LHFPL2: variants seen among roughly 807,000 people sequenced by gnomAD.
The protein encoded by LHFPL2 is LHFPL tetraspan subfamily member 2.
A neutral mutation model predicts 17.5 loss-of-function variants in LHFPL2; 7 were observed. That is an observed-to-expected ratio of 0.40 (90% CI 0.23 to 0.75). The LOEUF (loss-of-function observed/expected upper bound fraction) is 0.75, where lower values mean the gene tolerates loss of function less well. LHFPL2 is among the 30% of genes least tolerant of loss of function. LHFPL2 has a pLI of 0.37. For missense variants in LHFPL2, 241 were observed against 294.8 expected (o/e 0.82, Z 1.34); for synonymous variants, 134 against 116.2 (o/e 1.15, Z -0.99).
chr5:78,524,962 G>A (rs1215547391), intron 3 of LHFPL2, among the ~76,000 whole-genome samples: 5 of 152,120 alleles, frequency 3.3e-5, no homozygotes, highest in African/African-American at 1.2e-4. Context: ...AGTATTAAAG[G>A]TAAATGTTTC....
chr5:78,526,179 C>G (rs1013632387), intron 3 of LHFPL2, among the ~76,000 whole-genome samples: 55 of 152,236 alleles, frequency 3.6e-4, no homozygotes, highest in African/African-American at 1.3e-3. Flanking sequence ...CTTGCCTCCC[C>G]ACTCCTCCCC....
intron 2 of LHFPL2, among the ~76,000 whole-genome samples, chr5:78,579,911 G>A (rs1205253292): frequency 6.6e-6 from 1 of 152,186 alleles, no homozygotes; most frequent in African/African-American, 2.4e-5. Context: ...CTAGATCCTT[G>A]AGGAATCGCC....
chr5:78,505,037 G>C (rs973134160), intron 4 of LHFPL2, among the ~76,000 whole-genome samples: 3 of 152,242 alleles, frequency 2.0e-5, no homozygotes, highest in African/African-American at 7.2e-5. Context: ...GCACAAGTGA[G>C]CCAAATCCTG....
chr5:78,587,974 C>A (rs1036673841), intron 2 of LHFPL2, among the ~76,000 whole-genome samples: 1 of 152,206 alleles, frequency 6.6e-6, no homozygotes, highest in Admixed American at 6.5e-5. Context: ...CCCCTCCCTC[C>A]GGTGGTTCCA....
chr5:78,485,492 G>A lies in LHFPL2; in HGVS notation c.*3405C>T, dbSNP rs1754208411. 1 of 152,610 alleles carries A rather than the reference G, an allele frequency of 6.6e-6. No homozygotes were observed. The highest frequency in any genetic ancestry group is 2.4e-5 in the African/African-American group (1 of 41,434). 9.5% of individuals were successfully genotyped at this position (152,610 alleles called of 1,614,324 possible). The stretch of plus-strand genomic sequence containing the variant: ...CAGCCTTGGAAGGAGTTTCACCACA[G>A]TCTCAGAAGAAATCCCAGTCGTGCC... On this transcript the variant is annotated 3_prime_UTR_variant, in exon 5 of 5. Coordinates refer to ENST00000380345, the MANE Select transcript of LHFPL2 (RefSeq NM_005779.3).
intron 1 of LHFPL2, among the ~76,000 whole-genome samples, chr5:78,643,998 G>A (rs1384853319): frequency 1.3e-5 from 2 of 152,194 alleles, no homozygotes; most frequent in South Asian, 2.1e-4. Context: ...GGAGGACAAG[G>A]TTGCAGTGAG....
At chr5:78,557,890 G>A (rs1756623071) in intron 3 of LHFPL2, among the ~76,000 whole-genome samples, 1 of 152,194 alleles carries the variant, frequency 6.6e-6, no homozygotes, top group African/African-American at 2.4e-5. Flanking sequence ...TGTCTAGAAG[G>A]ACAGGACCAT....
chr5:78,579,027 A>C lies in LHFPL2; in HGVS notation c.-244-14156T>G, dbSNP rs183445361. Among the ~76,000 whole-genome samples, 99 of 152,316 alleles carry C rather than the reference A, an allele frequency of 6.5e-4. 1 individual carries two copies. The highest frequency in any genetic ancestry group is 5.9e-5 in the Non-Finnish European group (4 of 68,026). ...GAGGTAGGCCCTTCTGGGGAGGTAC[A>C]TTCCGTCTAACAGGGATTATTAACT... On this transcript the variant is annotated intron_variant, in intron 2 of 4. Transcript: ENST00000380345.
chr5:78,642,976 C>T (rs76141939), intron 1 of LHFPL2, among the ~76,000 whole-genome samples: 4 of 152,168 alleles, frequency 2.6e-5, no homozygotes, highest in Non-Finnish European at 4.4e-5. Context: ...TTGTTCCCCC[C>T]CCTCCTTGTT....
chr5:78,599,286 C>T (rs1313134620), intron 2 of LHFPL2, among the ~76,000 whole-genome samples: 1 of 151,858 alleles, frequency 6.6e-6, no homozygotes, highest in Non-Finnish European at 1.5e-5. Flanking sequence ...AAGAATAAAC[C>T]CTTTTTTTGG....
intron 2 of LHFPL2, among the ~76,000 whole-genome samples, chr5:78,624,275 T>C (rs1744957591): frequency 9.9e-5 from 15 of 151,998 alleles, no homozygotes; most frequent in Admixed American, 9.8e-4. Context: ...ACACATCCCC[T>C]GGAGAGAAAT....
At chr5:78,540,713 A>G (rs552276451) in intron 3 of LHFPL2, among the ~76,000 whole-genome samples, 1 of 152,364 alleles carries the variant, frequency 6.6e-6, no homozygotes, top group African/African-American at 2.4e-5. Context: ...AACAACTACC[A>G]ATGTCACTGC....
intron 2 of LHFPL2, among the ~76,000 whole-genome samples, chr5:78,619,203 T>C (rs1173168436): frequency 6.6e-6 from 1 of 152,088 alleles, no homozygotes; most frequent in Non-Finnish European, 1.5e-5. Context: ...TTCTTGTATT[T>C]TTTTGTTATT....
At chr5:78,559,347 G>A (rs1756663464) in intron 3 of LHFPL2, among the ~76,000 whole-genome samples, 1 of 152,164 alleles carries the variant, frequency 6.6e-6, no homozygotes, top group African/African-American at 2.4e-5. Context: ...AGTCTATAAT[G>A]TCAGACATTG....
intron 1 of LHFPL2, among the ~76,000 whole-genome samples, chr5:78,637,268 T>C (rs341903): frequency 0.29 from 44,778 of 151,962 alleles, 7,029 homozygotes; most frequent in East Asian, 0.42. Flanking sequence ...TCGCATAACC[T>C]TGAAGTTATA....
intron 1 of LHFPL2, among the ~76,000 whole-genome samples, chr5:78,635,521 G>A (rs754822076): frequency 3.9e-4 from 60 of 152,296 alleles, no homozygotes; most frequent in Admixed American, 1.4e-3. Flanking sequence ...AAACAAAACC[G>A]GCCAGGCACA....
intron 2 of LHFPL2, among the ~76,000 whole-genome samples, chr5:78,612,877 G>C (rs1473005972): frequency 6.6e-6 from 1 of 152,216 alleles, no homozygotes; most frequent in Non-Finnish European, 1.5e-5. Context: ...TTAAGGCTGA[G>C]CCAAGCTTCA....
intron 2 of LHFPL2, among the ~76,000 whole-genome samples, chr5:78,598,154 G>A (rs1255605775): frequency 1.3e-5 from 2 of 152,208 alleles, no homozygotes; most frequent in South Asian, 2.1e-4. Context: ...GGAGCATGAA[G>A]GGATACTACA....
chr5:78,631,586 C>A lies in LHFPL2; in HGVS notation c.-245+678G>T, dbSNP rs539755039. On this transcript the variant is annotated intron_variant, in intron 2 of 4. Coordinates refer to ENST00000380345, the MANE Select transcript of LHFPL2 (RefSeq NM_005779.3). Reference sequence around the variant, plus strand: ...AGAGAAGTGGCCATTCATTTTGCTGCGAAGCAAAAAAAGGTTACACTCTGA... The same window carrying A: ...AGAGAAGTGGCCATTCATTTTGCTGAGAAGCAAAAAAAGGTTACACTCTGA... Among the ~76,000 whole-genome samples, 3 of 151,686 alleles carry A rather than the reference C, an allele frequency of 2.0e-5. No homozygotes were observed. The South Asian group carries it at 6.2e-4, about 31-fold the overall frequency.
Sources: gnomAD v4.1 joint callset for allele counts (sites outside exome capture counted in the v4.1 genomes callset) on GRCh38, gnomAD v4.1.1 for gene constraint, MANE v1.5 for transcripts, NCBI Gene and HGNC (gene_info 2026-07-23, HGNC 2026-07-21) for gene names.